Variants in PPP2R2A observed in about 807,000 individuals in gnomAD.
PPP2R2A encodes serine/threonine-protein phosphatase 2A 55 kDa regulatory subunit B alpha isoform.
Under a neutral mutation model 53.2 loss-of-function variants are expected in PPP2R2A, and 9 were observed. The ratio of observed to expected loss-of-function variants is 0.17; its 90% CI spans 0.10 to 0.30. The LOEUF (loss-of-function observed/expected upper bound fraction) is 0.30, where lower values mean the gene tolerates loss of function less well. Ranked by LOEUF, PPP2R2A falls within the 10% of genes least tolerant of loss-of-function variation. The pLI, the probability that PPP2R2A is intolerant of heterozygous loss-of-function variation, is 1.00. For missense variants in PPP2R2A, 235 were observed against 534.6 expected (o/e 0.44, Z 5.53); for synonymous variants, 169 against 174.2 (o/e 0.97, Z 0.23).
At chr8:26,367,366 C>T (rs1326880855) in intron 9 of PPP2R2A, among the ~76,000 whole-genome samples, 2 of 152,272 alleles carry the variant, frequency 1.3e-5, no homozygotes, top group Non-Finnish European at 2.9e-5. Context: ...TAAGGTGTGG[C>T]GCACAGCTAC....
chr8:26,317,200 A>C (rs960413109), intron 2 of PPP2R2A, among the ~76,000 whole-genome samples: 2 of 152,118 alleles, frequency 1.3e-5, no homozygotes, highest in Non-Finnish European at 2.9e-5. Flanking sequence ...GAGGGCTTTG[A>C]ACTTGCCCCT....
intron 3 of PPP2R2A, among the ~76,000 whole-genome samples, chr8:26,344,415 T>A (rs1804104634): frequency 6.6e-6 from 1 of 152,198 alleles, no homozygotes; most frequent in South Asian, 2.1e-4. Context: ...TCCTGTTTGG[T>A]GTGATGAGCC....
chr8:26,370,491 G>C lies in PPP2R2A; in HGVS notation c.*78G>C. 6.6e-7 allele frequency: 1 copy of C among 1,508,522 alleles called. No homozygotes were observed. Among genetic ancestry groups the C allele is most frequent in the Non-Finnish European group, 9.1e-7 (1 of 1,104,734 alleles). The allele number at this position is 1,508,522 out of a possible 1,614,324, so 93.4% of individuals were successfully genotyped here. On this transcript the variant is annotated 3_prime_UTR_variant, in exon 10 of 10. Transcript: ENST00000380737. The surrounding 1 kb of genome is among the most constrained non-coding windows in gnomAD (Gnocchi z 6.1). ...ATCTAGCATTCGTTCCTATAAAAGA[G>C]AGAGGTCCATTGTGGCGCCCCTTTC...
intron 2 of PPP2R2A, among the ~76,000 whole-genome samples, chr8:26,317,750 G>T (rs555482878): frequency 9.9e-5 from 15 of 152,282 alleles, no homozygotes; most frequent in Non-Finnish European, 1.8e-4. Context: ...ATACACAGTG[G>T]TTCAAAAAAT....
At chr8:26,310,294 A>AG (rs1390757735) in intron 2 of PPP2R2A, among the ~76,000 whole-genome samples, 2 of 27,430 alleles carry the variant, frequency 7.3e-5, no homozygotes, top group Admixed American at 4.2e-4. Flanking sequence ...AAAAAAAAAA[A>AG]AAAAACACAG....
intron 2 of PPP2R2A, among the ~76,000 whole-genome samples, chr8:26,319,339 G>C (rs1802717413): frequency 6.6e-6 from 1 of 152,204 alleles, no homozygotes; most frequent in African/African-American, 2.4e-5. Context: ...AGTGCAGCTA[G>C]TGTATCATAT....
chr8:26,342,865 T>C (rs1804012779), intron 3 of PPP2R2A, among the ~76,000 whole-genome samples: 1 of 152,194 alleles, frequency 6.6e-6, no homozygotes, highest in African/African-American at 2.4e-5. Context: ...TTCTAAATTA[T>C]ATATGGCTCA....
In PPP2R2A at chr8:26,370,553, T is replaced by C. The variant is rs1805619190; in HGVS notation, c.*140T>C. ...AGTGTGCCATTCGACAACACATTGT[T>C]ATAGCTACATGGAGAAAGCTCTGTG... is the stretch of plus-strand genomic sequence containing the variant. On this transcript the variant is annotated 3_prime_UTR_variant, in exon 10 of 10. Transcript: ENST00000380737. The surrounding 1 kb of genome is among the most constrained non-coding windows in gnomAD (Gnocchi z 6.1). 2.4e-5 allele frequency: 22 copies of C among 923,186 alleles called. No homozygotes were observed. Among genetic ancestry groups the C allele is most frequent in the Non-Finnish European group, 3.4e-5 (21 of 619,654 alleles). The allele number at this position is 923,186 out of a possible 1,614,324, so 57.2% of individuals were successfully genotyped here.
intron 9 of PPP2R2A, among the ~76,000 whole-genome samples, chr8:26,368,189 A>G (rs1805477396): frequency 6.6e-6 from 1 of 152,216 alleles, no homozygotes. Context: ...CAGTTTTGTC[A>G]TCTTCAGGGG....
At chr8:26,353,164 A>G (rs1388404685) in intron 3 of PPP2R2A, among the ~76,000 whole-genome samples, 1 of 152,226 alleles carries the variant, frequency 6.6e-6, no homozygotes, top group Non-Finnish European at 1.5e-5. Context: ...TTAATGGAAT[A>G]GGCTGTCTAA....
At chr8:26,323,982 C>T (rs1802966728) in intron 2 of PPP2R2A, among the ~76,000 whole-genome samples, 1 of 152,244 alleles carries the variant, frequency 6.6e-6, no homozygotes, top group Non-Finnish European at 1.5e-5. Context: ...TCTCCAGTGT[C>T]TTATCACATG....
intron 3 of PPP2R2A, among the ~76,000 whole-genome samples, chr8:26,352,971 CTCTT>C (rs1804597860): frequency 6.6e-6 from 1 of 152,150 alleles, no homozygotes; most frequent in Admixed American, 6.5e-5. Context: ...ATATTATAGT[CTCTT>C]TAAGTGTTAA....
intron 2 of PPP2R2A, among the ~76,000 whole-genome samples, chr8:26,302,574 C>T (rs1002861494): frequency 2.6e-5 from 4 of 152,148 alleles, no homozygotes; most frequent in African/African-American, 9.7e-5. Context: ...AAGAATCCAC[C>T]ACTGTGGAAT....
At chr8:26,316,123 G>A (rs1042840882) in intron 2 of PPP2R2A, among the ~76,000 whole-genome samples, 3 of 152,108 alleles carry the variant, frequency 2.0e-5, no homozygotes, top group African/African-American at 7.2e-5. Context: ...TCCTGCCTCA[G>A]CCTCCCGAGT....
At chr8:26,322,383 G>T (rs2117270268) in intron 2 of PPP2R2A, among the ~76,000 whole-genome samples, 1 of 152,330 alleles carries the variant, frequency 6.6e-6, no homozygotes, top group African/African-American at 2.4e-5. Context: ...AGTGGCTACT[G>T]TACTAGACAG....
chr8:26,331,289 G>A (rs900223416), intron 2 of PPP2R2A, among the ~76,000 whole-genome samples: 4 of 152,134 alleles, frequency 2.6e-5, no homozygotes, highest in Admixed American at 2.6e-4. Flanking sequence ...CTGAAAAACA[G>A]TTGTTTCATA....
chr8:26,337,470 T>G (rs1201268026), intron 2 of PPP2R2A, among the ~76,000 whole-genome samples: 1 of 152,250 alleles, frequency 6.6e-6, no homozygotes, highest in Non-Finnish European at 1.5e-5. Context: ...ACTCCCCAGT[T>G]GTACTCTAAT....
intron 2 of PPP2R2A, among the ~76,000 whole-genome samples, chr8:26,306,051 T>G (rs1217536842): frequency 6.6e-6 from 1 of 152,098 alleles, no homozygotes; most frequent in Non-Finnish European, 1.5e-5. Flanking sequence ...CACGTGCCTG[T>G]AATCCCAGCC....
chr8:26,331,347 G>A (rs1327765363), intron 2 of PPP2R2A, among the ~76,000 whole-genome samples: 1 of 152,052 alleles, frequency 6.6e-6, no homozygotes, highest in Non-Finnish European at 1.5e-5. Flanking sequence ...ATAAATTCAG[G>A]TTATCTTAAC....
Sources: gnomAD v4.1 joint callset for allele counts (sites outside exome capture counted in the v4.1 genomes callset) on GRCh38, gnomAD v4.1.1 for gene constraint, Gnocchi (gnomAD v3.1) non-coding constraint, MANE v1.5 for transcripts, NCBI Gene and HGNC (gene_info 2026-07-23, HGNC 2026-07-21) for gene names.